Variants in ANKS1B observed in about 807,000 individuals in gnomAD.
ANKS1B encodes the protein ankyrin repeat and sterile alpha motif domain containing 1B.
A neutral mutation model predicts 148.3 loss-of-function variants in ANKS1B; 36 were observed. The observed-to-expected ratio is 0.24, with a 90% CI of 0.19 to 0.32. The LOEUF (loss-of-function observed/expected upper bound fraction) is 0.32. Ranked by LOEUF, ANKS1B falls within the 10% of genes least tolerant of loss-of-function variation. ANKS1B has a pLI of 1.00. For missense variants in ANKS1B, 1,157 were observed against 1,542.6 expected (o/e 0.75, Z 4.19); for synonymous variants, 542 against 560.8 (o/e 0.97, Z 0.47).
At chr12:98,798,480 AT>A (rs1484994774) in intron 22 of ANKS1B, among the ~76,000 whole-genome samples, 1 of 148,866 alleles carries the variant, frequency 6.7e-6, no homozygotes, top group Non-Finnish European at 1.5e-5. Flanking sequence ...TCAAAGTTGA[AT>A]TTAAAAAAAT....
downstream of ANKS1B, among the ~76,000 whole-genome samples, chr12:98,739,367 T>G (rs2097787454): frequency 6.6e-6 from 1 of 152,226 alleles, no homozygotes; most frequent in African/African-American, 2.4e-5. Flanking sequence ...CTGTAGAGAT[T>G]GCTCTTTGAA....
chr12:98,883,459 AGACTG>A (rs1419137018), intron 17 of ANKS1B, among the ~76,000 whole-genome samples: 3 of 152,228 alleles, frequency 2.0e-5, no homozygotes, highest in Admixed American at 6.5e-5. Flanking sequence ...CAACAAACAG[AGACTG>A]TTTTGTGAAC....
intron 17 of ANKS1B, among the ~76,000 whole-genome samples, chr12:98,990,355 A>C (rs1478571191): frequency 2.0e-5 from 3 of 151,948 alleles, no homozygotes; most frequent in Non-Finnish European, 4.4e-5. Context: ...TTTCCCAACA[A>C]ATGATTTTTA....
At chr12:99,575,824 C>T (rs2097513091) in intron 9 of ANKS1B, among the ~76,000 whole-genome samples, 1 of 152,144 alleles carries the variant, frequency 6.6e-6, no homozygotes, top group African/African-American at 2.4e-5. Flanking sequence ...GCCACTGAAA[C>T]TATAAAGCAA....
intron 15 of ANKS1B, among the ~76,000 whole-genome samples, chr12:99,107,215 C>A (rs2059409476): frequency 6.6e-6 from 1 of 151,954 alleles, no homozygotes; most frequent in Non-Finnish European, 1.5e-5. Context: ...TGGACAGTGA[C>A]CCCATCACCC....
At chr12:99,104,835 G>C (rs750421145) in intron 15 of ANKS1B, 7 of 152,140 alleles carry the variant, frequency 4.6e-5, no homozygotes, top group Non-Finnish European at 1.0e-4. Context: ...TGATGCCCCT[G>C]CACTGGGTTA....
Position 99,504,641 on chromosome 12 carries a change from C to A in ANKS1B, c.1273G>T (p.Glu425Ter). ...TAATTTCTCTTCTTTGGATAGGACT[C>A]CTGAAAAGAAGAAAAAATAAAAACA... ...RNLGFPMLAQ[E>*]SYPKKRNYTM... is the part of the protein sequence containing the mutation. Residue 425 changes from glutamate (E) to a stop codon, truncating the protein, a stop_gained and splice_region_variant, in exon 10 of 27, where the codon GAG (glutamate) becomes TAG (stop). Coordinates refer to ENST00000683438, the MANE Select transcript of ANKS1B (RefSeq NM_001352186.2). LOFTEE classifies it high-confidence loss of function. 2.0e-6 allele frequency: 3 copies of A among 1,531,032 alleles called. No individual in the cohort carries two copies. The highest frequency in any genetic ancestry group is 1.3e-5 in the South Asian group (1 of 78,916). The allele number at this position is 1,531,032 out of a possible 1,614,324, so 94.8% of individuals were successfully genotyped here.
chr12:99,636,988 C>T (rs2098243725), intron 9 of ANKS1B, among the ~76,000 whole-genome samples: 1 of 152,104 alleles, frequency 6.6e-6, no homozygotes, highest in Non-Finnish European at 1.5e-5. Flanking sequence ...CACTAATAAT[C>T]AGGAAAATGT....
intron 14 of ANKS1B, chr12:99,154,710 A>T: frequency 7.0e-7 from 1 of 1,437,684 alleles, no homozygotes; most frequent in South Asian, 1.5e-5. Context: ...TCAAGCTGTC[A>T]GCTTGGGCTG....
chr12:99,397,979 T>C (rs574664227), intron 12 of ANKS1B, among the ~76,000 whole-genome samples: 1 of 152,114 alleles, frequency 6.6e-6, no homozygotes, highest in African/African-American at 2.4e-5. Flanking sequence ...AGGGCTAGAA[T>C]GTTCAGCAAA....
intron 9 of ANKS1B, among the ~76,000 whole-genome samples, chr12:99,555,967 T>G (rs1203382335): frequency 6.6e-6 from 1 of 151,976 alleles, no homozygotes. Flanking sequence ...TGGAGAGAAG[T>G]CTCTCCTCTT....
chr12:99,877,190 G>C (rs1331354795), intron 1 of ANKS1B, among the ~76,000 whole-genome samples: 1 of 151,574 alleles, frequency 6.6e-6, no homozygotes, highest in African/African-American at 2.4e-5. Flanking sequence ...TGCTGATTAA[G>C]GTATTATACT....
At chr12:99,035,726 G>A (rs541263747) in intron 17 of ANKS1B, among the ~76,000 whole-genome samples, 2 of 152,290 alleles carry the variant, frequency 1.3e-5, no homozygotes, top group East Asian at 1.9e-4. Context: ...GCAGAGGGAA[G>A]AGCAACTGTA....
At chr12:99,139,440 T>TTC (rs201769650) in intron 15 of ANKS1B, among the ~76,000 whole-genome samples, 421 of 4,726 alleles carry the variant, frequency 0.089, 170 homozygotes, top group African/African-American at 0.33. Flanking sequence ...CTTTCTTTCT[T>TTC]TTTCTTTCTT....
At chr12:99,676,614 AAAAT>A (rs1231865570) in intron 8 of ANKS1B, among the ~76,000 whole-genome samples, 2 of 152,262 alleles carry the variant, frequency 1.3e-5, no homozygotes, top group Non-Finnish European at 2.9e-5. Flanking sequence ...GACATGTATT[AAAAT>A]AAATAAAGTA....
In ANKS1B at chr12:99,444,857, G is replaced by A. The variant is rs144031679; in HGVS notation, c.1439-1048C>T. Reference sequence around the variant, plus strand: ...CCAGGAAGTTTCTCTGTTCCTGATCGCTGTCTACAATCCCCAGTGAAATAC... The same window carrying A: ...CCAGGAAGTTTCTCTGTTCCTGATCACTGTCTACAATCCCCAGTGAAATAC... On this transcript the variant is annotated intron_variant, in intron 10 of 26. Transcript: ENST00000683438. Among the ~76,000 whole-genome samples, 226 of 151,962 alleles carry A rather than the reference G, an allele frequency of 1.5e-3. 3 individuals carry two copies. The East Asian group carries it at 0.033, about 22-fold the overall frequency.
intron 4 of ANKS1B, among the ~76,000 whole-genome samples, chr12:99,803,028 T>C (rs1392925526): frequency 6.6e-6 from 1 of 152,076 alleles, no homozygotes; most frequent in Non-Finnish European, 1.5e-5. Context: ...TTGAATGTAA[T>C]TGAAGTCTAA....
chr12:99,062,099 G>C (rs1181090727), intron 16 of ANKS1B, among the ~76,000 whole-genome samples: 2 of 152,140 alleles, frequency 1.3e-5, no homozygotes, highest in Non-Finnish European at 2.9e-5. Context: ...GAGAAGTCTG[G>C]GGAGACACGC....
chr12:98,929,921 G>A (rs2099812293), intron 17 of ANKS1B, among the ~76,000 whole-genome samples: 1 of 151,926 alleles, frequency 6.6e-6, no homozygotes, highest in Non-Finnish European at 1.5e-5. Flanking sequence ...AGTGACACAA[G>A]AAAAAATATA....
Sources: allele counts gnomAD v4.1 joint callset (sites outside exome capture counted in the v4.1 genomes callset), GRCh38; gene constraint gnomAD v4.1.1; transcripts MANE v1.5; gene names NCBI Gene and HGNC (gene_info 2026-07-23, HGNC 2026-07-21).